Variants in DCHS1 observed in about 807,000 individuals in gnomAD.
DCHS1 encodes the protein dachsous cadherin-related 1, also known as protocadherin-16.
A neutral mutation model predicts 213.9 loss-of-function variants in DCHS1; 78 were observed. That is an observed-to-expected ratio of 0.36 (90% CI 0.30 to 0.44). The LOEUF is 0.44. Ranked by LOEUF, DCHS1 falls within the 20% of genes least tolerant of loss-of-function variation. DCHS1 has a pLI of 1.00. For missense variants in DCHS1, 3,946 were observed against 4,395.9 expected (o/e 0.90, Z 2.89); for synonymous variants, 1,828 against 1,873.7 (o/e 0.98, Z 0.63).
chr11:6,630,439 C>T lies in DCHS1; in HGVS notation c.4355G>A (p.Gly1452Asp), dbSNP rs1318719210. The change falls in exon 10 of 21, where the codon GGC becomes GAC. Residue 1452 changes from glycine to aspartate, a missense_variant. By Grantham distance (94) the Gly-to-Asp change is moderately conservative (BLOSUM62 -1). Around this residue, in one of 3 missense-constraint regions of DCHS1, gnomAD observed 3,384 missense variants for 3,780.1 expected, o/e 0.90. Coordinates refer to ENST00000299441, the MANE Select transcript of DCHS1 (RefSeq NM_003737.4). ...CGCGCGGAAAGTGTACAGCGCTGCG[C>T]CGGGCTCCGGGTTCTCTGGCAGCGC... ...ALALPENPEP[G>D]AALYTFRASD... is the part of the protein sequence containing the mutation. 6.6e-7 allele frequency: 1 copy of T among 1,505,356 alleles called. No individual in the cohort carries two copies. Among genetic ancestry groups the T allele is most frequent in the Admixed American group, 2.1e-5 (1 of 48,464 alleles). The allele number at this position is 1,505,356 out of a possible 1,614,324, so 93.2% of individuals were successfully genotyped here.
At chr11:6,650,936 G>A (rs915651595) in intron 1 of DCHS1, among the ~76,000 whole-genome samples, 2 of 152,228 alleles carry the variant, frequency 1.3e-5, no homozygotes, top group African/African-American at 4.8e-5. Context: ...GTCTCCAGCA[G>A]AGTAAGTGAG....
At position 6,630,825 on chromosome 11, in the gene DCHS1, A is replaced by C; in HGVS notation, c.3969T>G (p.Asp1323Glu). The change falls in exon 10 of 21, where the codon GAT becomes GAG. Residue 1323 changes from aspartate to glutamate, a missense_variant. Asp to Glu is a conservative substitution (Grantham distance 45, BLOSUM62 2). Around this residue, in one of 3 missense-constraint regions of DCHS1, gnomAD observed 3,384 missense variants for 3,780.1 expected, o/e 0.90. Transcript: ENST00000299441. ...GTGCCGCTGGGTCCCGCTCTGCGAG[A>C]TCTGGGGGCGGCTCGGCCAAGCGAG... ...PSARLAEPPP[D>E]LAERDPAAPV... 1.3e-6 allele frequency: 2 copies of C among 1,531,442 alleles called. No homozygotes were observed. The highest frequency in any genetic ancestry group is 1.8e-6 in the Non-Finnish European group (2 of 1,135,786). The allele number at this position is 1,531,442 out of a possible 1,614,324, so 94.9% of individuals were successfully genotyped here.
chr11:6,636,834 C>T (rs140283737), intron 2 of DCHS1, among the ~76,000 whole-genome samples: 53 of 152,298 alleles, frequency 3.5e-4, no homozygotes, highest in Admixed American at 3.3e-4. Context: ...ATCGTCTATA[C>T]TTTCACTCTA....
rs770014749 is a variant in DCHS1 at position 6,621,852 on chromosome 11, T to C, written c.9824A>G (p.Gln3275Arg). The C allele has an allele frequency of 4.3e-5, 70 of 1,610,946 alleles. No homozygotes were observed. The highest frequency in any genetic ancestry group is 5.2e-5 in the Non-Finnish European group (61 of 1,178,782). Residue 3275 changes from glutamine (Q) to arginine (R), a missense_variant, in exon 21 of 21, where the codon CAG becomes CGG. Gln to Arg is a conservative substitution (Grantham distance 43). This residue lies in a region of DCHS1 where 554 missense variants were observed against 590.2 expected (regional missense o/e 0.94). Transcript: ENST00000299441. ...GCTGAGTGCTGAGGCTGAGGGACCC[T>C]GGGCCACCCCAAATGGTGAGACAAC... Reference protein sequence around the residue: ...SPVVSPFGVAQGPSASALSAE... With the variant: ...SPVVSPFGVARGPSASALSAE...
In DCHS1 at chr11:6,622,407, T is replaced by A. The variant is rs201094018; in HGVS notation, c.9269A>T (p.Tyr3090Phe). The stretch of plus-strand genomic sequence containing the variant: ...CAGCAGCCCTGCCTTTCGGCCCTTA[T>A]ACCAGGTGTCAGGGGCAGGTGGTTC... ...SCEPPAPDTWYKGRKAGLLLP... is the reference protein window; with the variant it reads ...SCEPPAPDTWFKGRKAGLLLP... Residue 3090 changes from tyrosine (Y) to phenylalanine (F), a missense_variant, in exon 21 of 21, where the codon TAT becomes TTT. By Grantham distance (22) the Tyr-to-Phe change is conservative. Around this residue, in one of 3 missense-constraint regions of DCHS1, gnomAD observed 554 missense variants for 590.2 expected, o/e 0.94. Transcript: ENST00000299441. This position sits in a 1 kb window ranked among gnomAD's most constrained non-coding sequence, Gnocchi z 5.4. 4.5e-4 allele frequency: 703 copies of A among 1,557,016 alleles called. 2 individuals carry two copies. Among genetic ancestry groups the A allele is most frequent in the South Asian group, 1.8e-3 (149 of 84,304 alleles).
Position 6,622,325 on chromosome 11 carries a change from T to G in DCHS1, c.9351A>C (p.Thr3117=). Residue 3117 remains threonine, a synonymous_variant, in exon 21 of 21, where the codon ACA becomes ACC. Coordinates refer to ENST00000299441, the MANE Select transcript of DCHS1 (RefSeq NM_003737.4). This position sits in a 1 kb window ranked among gnomAD's most constrained non-coding sequence, Gnocchi z 5.4. ...YREEGPPATA[T]AFLGGCGLSP... is the part of the protein sequence containing the mutation. Reference sequence around the variant, plus strand: ...TCAGGCCACAGCCCCCCAGGAAGGCTGTGGCAGTGGCTGGGGGCCCCTCCT... The same window carrying G: ...TCAGGCCACAGCCCCCCAGGAAGGCGGTGGCAGTGGCTGGGGGCCCCTCCT... 4 of 1,605,382 alleles carry G rather than the reference T, an allele frequency of 2.5e-6. No individual in the cohort carries two copies. Among genetic ancestry groups the G allele is most frequent in the Non-Finnish European group, 3.4e-6 (4 of 1,176,166 alleles).
chr11:6,623,763 C>T lies in DCHS1; in HGVS notation c.7913G>A (p.Arg2638His), dbSNP rs149597257. 6.4e-5 allele frequency: 104 copies of T among 1,613,964 alleles called. 1 individual carries two copies. Among genetic ancestry groups the T allele is most frequent in the South Asian group, 5.8e-4 (53 of 91,090 alleles). Residue 2638 changes from arginine to histidine, a missense_variant, in exon 21 of 21, where the codon CGT becomes CAT. Arg to His is a conservative substitution (Grantham distance 29). Transcript: ENST00000299441. ...TGGGTCGCCTGAGCTGACAGTGAAA[C>T]GCACGAGGCCATGAGGGCCAGGGTC... ...DADPGPHGLV[R>H]FTVSSGDPSG... is the part of the protein sequence containing the mutation.
Position 6,640,343 on chromosome 11 carries a change from A to C in DCHS1, c.1271T>G (p.Val424Gly). Residue 424 changes from valine to glycine, a missense_variant, in exon 2 of 21, where the codon GTG becomes GGG. Around this residue, in one of 3 missense-constraint regions of DCHS1, gnomAD observed 3,384 missense variants for 3,780.1 expected, o/e 0.90. Coordinates refer to ENST00000299441, the MANE Select transcript of DCHS1 (RefSeq NM_003737.4). This position sits in a 1 kb window ranked among gnomAD's most constrained non-coding sequence, Gnocchi z 6.5. Reference sequence around the variant, plus strand: ...TCGATCCAGCCGCCGAGCCACACACACCAGATAGATGACGCTGTCTTGGGT... The same window carrying C: ...TCGATCCAGCCGCCGAGCCACACACCCCAGATAGATGACGCTGTCTTGGGT... ...LSTQDSVIYL[V>G]CVARRLDREE... 6.2e-7 allele frequency: 1 copy of C among 1,612,452 alleles called. No homozygotes were observed.
Position 6,628,158 on chromosome 11 carries a change from A to C in DCHS1, c.5371+463T>G, listed in dbSNP as rs1402641817. On this transcript the variant is annotated intron_variant, in intron 13 of 20. Transcript: ENST00000299441. This position sits in a 1 kb window ranked among gnomAD's most constrained non-coding sequence, Gnocchi z 4.3. ...TAATCTCTGAAATTAACTACTTTCC[A>C]ACAAATTGTTACTTGAAATCTTAGT... 6.6e-6 allele frequency among the ~76,000 whole-genome samples: 1 copy of C among 152,262 alleles called. No homozygotes were observed. Among genetic ancestry groups the C allele is most frequent in the African/African-American group, 2.4e-5 (1 of 41,474 alleles).
At chr11:6,637,728 C>T (rs1315573620) in intron 2 of DCHS1, among the ~76,000 whole-genome samples, 3 of 152,102 alleles carry the variant, frequency 2.0e-5, no homozygotes, top group African/African-American at 7.2e-5. Context: ...CTATCTGTAC[C>T]TCATATATAT....
Position 6,633,916 on chromosome 11 carries a change from C to A in DCHS1, c.2091G>T (p.Gln697His), listed in dbSNP as rs767724603. Residue 697 changes from glutamine (Q) to histidine (H), a missense_variant, in exon 4 of 21, where the codon CAG becomes CAT. Physicochemically the swap from Gln to His is conservative, Grantham distance 24 (BLOSUM62 0). This residue lies in a region of DCHS1 where 3,384 missense variants were observed against 3,780.1 expected (regional missense o/e 0.90). Transcript: ENST00000299441. ...PREYAASISA[Q>H]SPPGTAVLRL... The stretch of plus-strand genomic sequence containing the variant: ...TCAGCACAGCTGTGCCTGGTGGACT[C>A]TGGGCACTTATACTGGCAGCATACT... The A allele has an allele frequency of 1.2e-6, 2 of 1,614,014 alleles. No homozygotes were observed. Among genetic ancestry groups the A allele is most frequent in the African/African-American group, 2.7e-5 (2 of 75,048 alleles).
chr11:6,631,766 G>T lies in DCHS1; in HGVS notation c.3525C>A (p.Ser1175Arg), dbSNP rs1015111395. The T allele has an allele frequency of 1.3e-6, 2 of 1,584,836 alleles. No individual in the cohort carries two copies. Among genetic ancestry groups the T allele is most frequent in the Non-Finnish European group, 1.7e-6 (2 of 1,166,124 alleles). The change falls in exon 7 of 21, where the codon AGC becomes AGA. Residue 1175 changes from serine (S) to arginine (R), a missense_variant. Physicochemically the swap from Ser to Arg is moderately radical, Grantham distance 110 (BLOSUM62 -1). Coordinates refer to ENST00000299441, the MANE Select transcript of DCHS1 (RefSeq NM_003737.4). ...TLQTLDREQQ[S>R]SYQLLVQVQD... ...GCACCTGCACCAGGAGCTGATAGCT[G>T]CTCTGCTGCTCACGGTCCAGGGTTT...
chr11:6,627,556 C>A lies in DCHS1; in HGVS notation c.5483G>T (p.Arg1828Leu), dbSNP rs1480387082. 1.2e-6 allele frequency: 2 copies of A among 1,612,646 alleles called. No homozygotes were observed. The highest frequency in any genetic ancestry group is 1.7e-5 in the Admixed American group (1 of 59,904). Reference protein sequence around the residue: ...EPAFQLRIEARDGGQPALSAT... With the variant: ...EPAFQLRIEALDGGQPALSAT... ...ACTGAGAGCTGGCTGGCCTCCATCC[C>A]GGGCCTCTATCCTCAGCTGGAAAGC... Residue 1828 changes from arginine to leucine, a missense_variant, in exon 14 of 21, where the codon CGG becomes CTG. Coordinates refer to ENST00000299441, the MANE Select transcript of DCHS1 (RefSeq NM_003737.4). The surrounding 1 kb of genome is among the most constrained non-coding windows in gnomAD (Gnocchi z 5.4).
Position 6,622,623 on chromosome 11 carries a change from G to A in DCHS1, c.9053C>T (p.Pro3018Leu). 1 of 1,584,694 alleles carries A rather than the reference G, an allele frequency of 6.3e-7. No individual in the cohort carries two copies. Among genetic ancestry groups the A allele is most frequent in the Non-Finnish European group, 8.6e-7 (1 of 1,165,888 alleles). Residue 3018 changes from proline to leucine, a missense_variant, in exon 21 of 21, where the codon CCC becomes CTC. Pro to Leu is a moderately conservative substitution (Grantham distance 98). Coordinates refer to ENST00000299441, the MANE Select transcript of DCHS1 (RefSeq NM_003737.4). This position sits in a 1 kb window ranked among gnomAD's most constrained non-coding sequence, Gnocchi z 5.4. ...GTCCAAGGAGCCACCACGGGGGTAG[G>A]GTCCTCCAGCTCCTGGCCCACCATA... ...PSYGGPGAGGPYPRGGSLDPS... is the reference protein window; with the variant it reads ...PSYGGPGAGGLYPRGGSLDPS...
At position 6,621,695 on chromosome 11, in the gene DCHS1, G is replaced by T; in HGVS notation, c.*84C>A. On this transcript the variant is annotated 3_prime_UTR_variant, in exon 21 of 21. Transcript: ENST00000299441. Reference sequence around the variant, plus strand: ...GCCTCCCCGTAGCCAGTCATAGTCCGAGGCTGCCCAGGGCAGGCTCAGAGT... The same window carrying T: ...GCCTCCCCGTAGCCAGTCATAGTCCTAGGCTGCCCAGGGCAGGCTCAGAGT... The T allele has an allele frequency of 6.7e-7, 1 of 1,493,436 alleles. No homozygotes were observed. The allele number at this position is 1,493,436 out of a possible 1,614,324, so 92.5% of individuals were successfully genotyped here.
At chr11:6,650,486 C>T (rs1856227909) in intron 1 of DCHS1, among the ~76,000 whole-genome samples, 1 of 152,200 alleles carries the variant, frequency 6.6e-6, no homozygotes, top group Non-Finnish European at 1.5e-5. Flanking sequence ...CTTTTCCTAG[C>T]AGATACCAGG....
At position 6,640,230 on chromosome 11, in the gene DCHS1, C is replaced by T. The variant is rs143438025; in HGVS notation, c.1384G>A (p.Val462Ile). 1.2e-5 allele frequency: 20 copies of T among 1,612,614 alleles called. No homozygotes were observed. Among genetic ancestry groups the T allele is most frequent in the Middle Eastern group, 1.6e-4 (1 of 6,084 alleles). The change falls in exon 2 of 21, where the codon GTC becomes ATC. Residue 462 changes from valine (V) to isoleucine (I), a missense_variant. Val to Ile is a conservative substitution (Grantham distance 29, BLOSUM62 3). Around this residue, in one of 3 missense-constraint regions of DCHS1, gnomAD observed 3,384 missense variants for 3,780.1 expected, o/e 0.90. Coordinates refer to ENST00000299441, the MANE Select transcript of DCHS1 (RefSeq NM_003737.4). This position sits in a 1 kb window ranked among gnomAD's most constrained non-coding sequence, Gnocchi z 6.5. Reference protein sequence around the residue: ...LRAEAAFVLHVTDVNDNAPAF... With the variant: ...LRAEAAFVLHITDVNDNAPAF... ...GGTGCATTGTCGTTGACATCAGTGACGTGCAGCACAAAGGCAGCCTCAGCC... is the reference window on the plus strand; with the variant it reads ...GGTGCATTGTCGTTGACATCAGTGATGTGCAGCACAAAGGCAGCCTCAGCC...
At chr11:6,636,094 GAC>G (rs1855982114) in intron 2 of DCHS1, among the ~76,000 whole-genome samples, 1 of 152,152 alleles carries the variant, frequency 6.6e-6, no homozygotes, top group Non-Finnish European at 1.5e-5. Flanking sequence ...AGAAAAGAAA[GAC>G]ACTTATCTGT....
intron 1 of DCHS1, among the ~76,000 whole-genome samples, chr11:6,644,184 A>T (rs976491784): frequency 6.6e-5 from 10 of 152,256 alleles, no homozygotes; most frequent in Non-Finnish European, 1.3e-4. Context: ...AACTGACAGC[A>T]GAAAACAAAT....
Sources: allele counts gnomAD v4.1 joint callset (sites outside exome capture counted in the v4.1 genomes callset), GRCh38; gene constraint gnomAD v4.1.1; regional missense constraint gnomAD v4.1.1; non-coding constraint Gnocchi (gnomAD v3.1); transcripts MANE v1.5; gene names NCBI Gene and HGNC (gene_info 2026-07-23, HGNC 2026-07-21).